The following FAF1 variants were observed in gnomAD, a reference collection of about 807,000 sequenced individuals.
The protein encoded by FAF1 is Fas associated factor 1.
A neutral mutation model predicts 92.5 loss-of-function variants in FAF1; 25 were observed. The ratio of observed to expected loss-of-function variants is 0.27; its 90% CI spans 0.20 to 0.38. The LOEUF (loss-of-function observed/expected upper bound fraction) is 0.38, where lower values mean the gene tolerates loss of function less well. Ranked by LOEUF, FAF1 falls within the 10% of genes least tolerant of loss-of-function variation. The probability of loss-of-function intolerance (pLI) is 1.00; values close to 1 mark genes in which losing one functional copy is unlikely to be tolerated. For missense variants in FAF1, 636 were observed against 793.3 expected, an observed-to-expected ratio of 0.80 and a Z score of 2.38; for synonymous variants, 234 against 273.2, an observed-to-expected ratio of 0.86 and a Z score of 1.42.
chr1:50,622,245 G>A lies in FAF1; in HGVS notation c.745-26029C>T, dbSNP rs185094617. On this transcript the variant is annotated intron_variant, in intron 8 of 18. Transcript: ENST00000396153. Reference sequence around the variant, plus strand: ...GTCCATGGAGGATAAAGGGTCCGCCGTAGCTAGGCTGGTCTGTGGCAAGAG... The same window carrying A: ...GTCCATGGAGGATAAAGGGTCCGCCATAGCTAGGCTGGTCTGTGGCAAGAG... Among the ~76,000 whole-genome samples the A allele has an allele frequency of 3.9e-5, 6 of 152,000 alleles. No homozygotes were observed. The East Asian group carries it at 5.8e-4, about 15-fold the overall frequency.
intron 7 of FAF1, among the ~76,000 whole-genome samples, chr1:50,657,662 C>T: frequency 6.6e-6 from 1 of 152,142 alleles, no homozygotes; most frequent in East Asian, 1.9e-4. Flanking sequence ...TCATGTTGTC[C>T]AATTATAGCA....
rs146249787 is a variant in FAF1, at chr1:50,821,616, A to G, written c.115-19939T>C. Among the ~76,000 whole-genome samples the G allele has an allele frequency of 6.6e-4, 101 of 152,280 alleles. No homozygotes were observed. In the East Asian group the frequency reaches 9.6e-3, roughly 15 times the overall value. On this transcript the variant is annotated intron_variant, in intron 2 of 18. Coordinates refer to ENST00000396153, the MANE Select transcript of FAF1 (RefSeq NM_007051.3). ...CACTTACTAGGAGCATAATTTTGAG[A>G]AAGTTACTTAGTTTCTCTCTGCTTC...
chr1:50,804,726 T>C (rs1013230506), intron 2 of FAF1, among the ~76,000 whole-genome samples: 5 of 152,210 alleles, frequency 3.3e-5, no homozygotes, highest in African/African-American at 7.2e-5. Flanking sequence ...GTTTGCTTTT[T>C]TTCCCTCCAT....
chr1:50,554,388 T>TAGAGAGAGAGAG (rs559745248), intron 13 of FAF1, among the ~76,000 whole-genome samples: 7 of 100,692 alleles, frequency 7.0e-5, no homozygotes, highest in African/African-American at 1.3e-4. Context: ...TATATATATA[T>TAGAGAGAGAGAG]ATAGAGAGAG....
At position 50,819,717 on chromosome 1, in the gene FAF1, GTA is replaced by G. The variant is rs1309594149; in HGVS notation, c.115-18042_115-18041del. ...CATATATATATACATATATATATACGTATATATATATACATATATATACATAT... is the reference window on the plus strand; with the variant it reads ...CATATATATATACATATATATATACGTATATATATACATATATATACATAT... On this transcript the variant is annotated intron_variant, in intron 2 of 18. Transcript: ENST00000396153. Among the ~76,000 whole-genome samples, 32 of 12,782 alleles carry G rather than the reference GTA, an allele frequency of 2.5e-3. 2 individuals carry two copies. The highest frequency in any genetic ancestry group is 2.7e-3 in the Non-Finnish European group (16 of 6,032). 8.4% of individuals were successfully genotyped at this position (12,782 alleles called of 152,430 possible).
chr1:50,741,752 G>C (rs1366729750), intron 5 of FAF1, among the ~76,000 whole-genome samples: 9 of 152,200 alleles, frequency 5.9e-5, no homozygotes, highest in Admixed American at 5.9e-4. Context: ...CTGATGGCCA[G>C]TTTTGGATTC....
chr1:50,716,974 G>A (rs1658203436), intron 6 of FAF1, among the ~76,000 whole-genome samples: 1 of 152,176 alleles, frequency 6.6e-6, no homozygotes, highest in South Asian at 2.1e-4. Context: ...TTGCTGCAAA[G>A]GTCCGTGGCT....
chr1:50,524,521 T>G (rs1197389309), intron 15 of FAF1, among the ~76,000 whole-genome samples: 1 of 152,242 alleles, frequency 6.6e-6, no homozygotes, highest in Non-Finnish European at 1.5e-5. Context: ...GTTTTGGGTT[T>G]TCCATTTAAG....
At chr1:50,624,975 C>T (rs1408143310) in intron 8 of FAF1, among the ~76,000 whole-genome samples, 1 of 149,214 alleles carries the variant, frequency 6.7e-6, no homozygotes, top group Non-Finnish European at 1.5e-5. Flanking sequence ...GATCTCGGCT[C>T]ACTGAACCCT....
At chr1:50,611,745 C>A (rs1437440151) in intron 8 of FAF1, among the ~76,000 whole-genome samples, 1 of 152,154 alleles carries the variant, frequency 6.6e-6, no homozygotes, top group Non-Finnish European at 1.5e-5. Context: ...GTATTTTTCA[C>A]AATGCACAAT....
intron 1 of FAF1, among the ~76,000 whole-genome samples, chr1:50,906,286 G>A (rs1244603261): frequency 6.6e-6 from 1 of 152,172 alleles, no homozygotes; most frequent in African/African-American, 2.4e-5. Flanking sequence ...TTGTAGCTTT[G>A]TAGTATAGTT....
chr1:50,519,099 AG>A (rs1224563981), intron 15 of FAF1, among the ~76,000 whole-genome samples: 1 of 152,032 alleles, frequency 6.6e-6, no homozygotes, highest in East Asian at 1.9e-4. Context: ...TGGGAGGCCG[AG>A]GTGCGAGAAT....
chr1:50,577,172 T>C (rs1311957444), intron 12 of FAF1, among the ~76,000 whole-genome samples: 1 of 152,224 alleles, frequency 6.6e-6, no homozygotes, highest in African/African-American at 2.4e-5. Flanking sequence ...TAGAATTCTG[T>C]TATTTGCCTA....
At chr1:50,908,564 G>A (rs919908863) in intron 1 of FAF1, among the ~76,000 whole-genome samples, 3 of 152,048 alleles carry the variant, frequency 2.0e-5, no homozygotes, top group African/African-American at 7.3e-5. Flanking sequence ...TCCTGTATTG[G>A]GTGCACATAT....
At chr1:50,779,987 G>GACACACACACAC (rs1297272722) in intron 4 of FAF1, among the ~76,000 whole-genome samples, 11 of 112,798 alleles carry the variant, frequency 9.8e-5, no homozygotes, top group African/African-American at 3.9e-4. Flanking sequence ...TGCACAGACA[G>GACACACACACAC]ACAGACACAC....
At chr1:50,492,122 C>T (rs1646845088) in intron 15 of FAF1, among the ~76,000 whole-genome samples, 1 of 152,130 alleles carries the variant, frequency 6.6e-6, no homozygotes, top group Non-Finnish European at 1.5e-5. Context: ...GAATTAAGTG[C>T]AATAATATAC....
At chr1:50,887,947 G>C (rs1392411637) in intron 1 of FAF1, among the ~76,000 whole-genome samples, 20 of 152,146 alleles carry the variant, frequency 1.3e-4, no homozygotes, top group Admixed American at 1.3e-3. Flanking sequence ...GGATGGCATT[G>C]AATCTATGAA....
chr1:50,529,917 C>T (rs1480118837), intron 15 of FAF1, among the ~76,000 whole-genome samples: 1 of 151,960 alleles, frequency 6.6e-6, no homozygotes, highest in Non-Finnish European at 1.5e-5. Context: ...GTGATTTGGG[C>T]CTCAGAAAGG....
At chr1:50,709,750 C>T (rs1157242703) in intron 6 of FAF1, among the ~76,000 whole-genome samples, 1 of 152,136 alleles carries the variant, frequency 6.6e-6, no homozygotes, top group African/African-American at 2.4e-5. Context: ...AGAAGTTTAC[C>T]GCTCATTCAT....
Sources: allele counts gnomAD v4.1 joint callset (sites outside exome capture counted in the v4.1 genomes callset), GRCh38; gene constraint gnomAD v4.1.1; transcripts MANE v1.5; gene names NCBI Gene and HGNC (gene_info 2026-07-23, HGNC 2026-07-21).